Variants in ZBTB20 observed in about 807,000 individuals in gnomAD.
ZBTB20 encodes the protein zinc finger and BTB domain-containing protein 20.
In ZBTB20, 9 loss-of-function variants were observed where a neutral mutation model predicts 56.9. The ratio of observed to expected loss-of-function variants is 0.16; its 90% CI spans 0.10 to 0.28. The LOEUF is 0.28. Among genes scored for constraint, ZBTB20 ranks in the 10% least tolerant of loss-of-function variants. The pLI, the probability that ZBTB20 is intolerant of heterozygous loss-of-function variation, is 1.00. For synonymous variants in ZBTB20, 417 were observed against 420.7 expected (o/e 0.99, Z 0.11); for missense variants, 655 against 1,003.0 (o/e 0.65, Z 4.69).
chr3:114,475,336 T>C (rs2040622651), intron 7 of ZBTB20, among the ~76,000 whole-genome samples: 1 of 152,144 alleles, frequency 6.6e-6, no homozygotes. Flanking sequence ...ACTACTTTTA[T>C]AGAGCATTTC....
At chr3:114,958,666 G>A (rs1406031007) in intron 3 of ZBTB20, among the ~76,000 whole-genome samples, 1 of 151,886 alleles carries the variant, frequency 6.6e-6, no homozygotes, top group African/African-American at 2.4e-5. Flanking sequence ...TGGCCAACAT[G>A]GTGAAACCCC....
At chr3:115,049,495 AATTT>A (rs1482671529) in intron 2 of ZBTB20, among the ~76,000 whole-genome samples, 15 of 152,170 alleles carry the variant, frequency 9.9e-5, no homozygotes, top group Non-Finnish European at 4.4e-5. Context: ...CTAAACACAA[AATTT>A]ATGTTTCACA....
intron 3 of ZBTB20, among the ~76,000 whole-genome samples, chr3:114,931,896 T>C (rs1035274895): frequency 2.0e-5 from 3 of 152,182 alleles, no homozygotes; most frequent in African/African-American, 7.2e-5. Context: ...TTAAATTAAA[T>C]CAAATGGGTA....
chr3:114,337,921 T>A lies in ZBTB20; in HGVS notation c.*1084A>T, dbSNP rs945462997. 6.6e-6 allele frequency: 1 copy of A among 151,890 alleles called. No individual in the cohort carries two copies. The highest frequency in any genetic ancestry group is 2.4e-5 in the African/African-American group (1 of 41,424). 9.4% of individuals were successfully genotyped at this position (151,890 alleles called of 1,614,324 possible). ...ACAATTTCACTTTTTTTGTTTTTTT[T>A]TTTACACAAATACTGTTGTAAATAT... On this transcript the variant is annotated 3_prime_UTR_variant, in exon 12 of 12. Transcript: ENST00000675478.
chr3:114,787,454 C>T (rs28639489), intron 5 of ZBTB20, among the ~76,000 whole-genome samples: 3 of 148,962 alleles, frequency 2.0e-5, no homozygotes, highest in African/African-American at 7.5e-5. Flanking sequence ...TATATATACA[C>T]ATATATACAT....
intron 4 of ZBTB20, among the ~76,000 whole-genome samples, chr3:114,851,635 AGT>A (rs1324027745): frequency 6.6e-6 from 1 of 152,022 alleles, no homozygotes; most frequent in African/African-American, 2.4e-5. Flanking sequence ...TTGATTTATT[AGT>A]GTGTCTCTTT....
intron 7 of ZBTB20, among the ~76,000 whole-genome samples, chr3:114,495,978 A>T (rs1034883952): frequency 1.3e-5 from 2 of 152,058 alleles, no homozygotes; most frequent in Non-Finnish European, 2.9e-5. Flanking sequence ...AAGAGTTGGA[A>T]TCCCTCTGTC....
intron 6 of ZBTB20, among the ~76,000 whole-genome samples, chr3:114,652,126 A>G (rs1248246223): frequency 6.6e-6 from 1 of 152,078 alleles, no homozygotes; most frequent in Non-Finnish European, 1.5e-5. Context: ...ATAAATATGT[A>G]TATATAAAAA....
intron 6 of ZBTB20, among the ~76,000 whole-genome samples, chr3:114,682,742 C>T (rs2062058980): frequency 6.6e-6 from 1 of 152,050 alleles, no homozygotes; most frequent in Non-Finnish European, 1.5e-5. Context: ...TGTGATAGAC[C>T]GGATTACTTT....
intron 5 of ZBTB20, among the ~76,000 whole-genome samples, chr3:114,737,233 T>A (rs1057491325): frequency 6.6e-6 from 1 of 152,228 alleles, no homozygotes; most frequent in Non-Finnish European, 1.5e-5. Flanking sequence ...GTTTGAAATA[T>A]ATTTAATGTA....
intron 6 of ZBTB20, among the ~76,000 whole-genome samples, chr3:114,532,417 G>A (rs1431105486): frequency 1.3e-5 from 2 of 152,188 alleles, no homozygotes; most frequent in Non-Finnish European, 2.9e-5. Context: ...CAAAGCCACT[G>A]TAGAAAGACT....
At chr3:114,990,699 C>T (rs1226058741) in intron 2 of ZBTB20, among the ~76,000 whole-genome samples, 1 of 152,082 alleles carries the variant, frequency 6.6e-6, no homozygotes, top group Non-Finnish European at 1.5e-5. Flanking sequence ...CCTCCTTGTA[C>T]CTCTGGTAGA....
chr3:115,142,707 A>AT (rs1376199477), intron 1 of ZBTB20, among the ~76,000 whole-genome samples: 1 of 152,038 alleles, frequency 6.6e-6, no homozygotes, highest in Non-Finnish European at 1.5e-5. Context: ...TCCATTAGTT[A>AT]TAAAGTCTGT....
intron 1 of ZBTB20, among the ~76,000 whole-genome samples, chr3:115,086,374 C>A (rs1288765037): frequency 6.6e-6 from 1 of 151,740 alleles, no homozygotes; most frequent in Middle Eastern, 3.4e-3. Context: ...CTTAGAGAAC[C>A]GTATTTATTT....
At chr3:115,136,090 G>A (rs2084645557) in intron 1 of ZBTB20, among the ~76,000 whole-genome samples, 1 of 152,080 alleles carries the variant, frequency 6.6e-6, no homozygotes, top group African/African-American at 2.4e-5. Flanking sequence ...TGAATTGATT[G>A]TAGTAGATTT....
chr3:114,673,222 C>T (rs1242478015), intron 6 of ZBTB20, among the ~76,000 whole-genome samples: 2 of 152,106 alleles, frequency 1.3e-5, no homozygotes, highest in Admixed American at 6.6e-5. Flanking sequence ...CAGCATTCTT[C>T]ATCTTCAGGT....
intron 4 of ZBTB20, among the ~76,000 whole-genome samples, chr3:114,803,160 T>C (rs2071847978): frequency 6.6e-6 from 1 of 150,660 alleles, no homozygotes; most frequent in African/African-American, 2.4e-5. Flanking sequence ...TTGGTGAGGG[T>C]AATGAGGCTC....
intron 2 of ZBTB20, among the ~76,000 whole-genome samples, chr3:114,997,301 T>A (rs1447623308): frequency 6.6e-6 from 1 of 151,682 alleles, no homozygotes; most frequent in African/African-American, 2.4e-5. Flanking sequence ...TTTGGGGTGA[T>A]TAAAACGTTC....
At chr3:114,850,724 T>C (rs543727064) in intron 4 of ZBTB20, among the ~76,000 whole-genome samples, 5 of 152,344 alleles carry the variant, frequency 3.3e-5, no homozygotes, top group African/African-American at 1.2e-4. Context: ...TTCTGAAGCT[T>C]GTGTTCAATT....
Sources: allele counts gnomAD v4.1 joint callset (sites outside exome capture counted in the v4.1 genomes callset), GRCh38; gene constraint gnomAD v4.1.1; transcripts MANE v1.5; gene names NCBI Gene and HGNC (gene_info 2026-07-23, HGNC 2026-07-21).